Variants in AIFM2 observed in about 807,000 individuals in gnomAD.
The protein encoded by AIFM2 is AIF family member 2, ferroptosis suppressor, also known as ferroptosis suppressor protein 1.
Under a neutral mutation model 35.7 loss-of-function variants are expected in AIFM2, and 38 were observed. That is an observed-to-expected ratio of 1.06 (90% CI 0.82 to 1.39). The LOEUF (loss-of-function observed/expected upper bound fraction) is 1.39, where lower values mean the gene tolerates loss of function less well. AIFM2 is among the 40% of genes most tolerant of loss of function. AIFM2 has a pLI of 0.00. For missense variants in AIFM2, 476 were observed against 491.2 expected, an observed-to-expected ratio of 0.97 and a Z score of 0.29; for synonymous variants, 185 against 203.5, an observed-to-expected ratio of 0.91 and a Z score of 0.77.
intron 1 of AIFM2, among the ~76,000 whole-genome samples, chr10:70,130,207 A>G (rs569937780): frequency 3.3e-4 from 50 of 152,136 alleles, no homozygotes; most frequent in Non-Finnish European, 6.2e-4. Context: ...TTTAATTTAA[A>G]TTTCAAAAAA....
chr10:70,123,738 G>A (rs1365484949), intron 2 of AIFM2, among the ~76,000 whole-genome samples, 169 bp downstream of exon 2: 1 of 152,150 alleles, frequency 6.6e-6, no homozygotes, highest in Non-Finnish European at 1.5e-5. Flanking sequence ...GGGTCTCATT[G>A]TGGTGGCTAC....
At chr10:70,121,324 C>T in intron 3 of AIFM2, 113 bp from the exon 4 acceptor site, 1 of 1,401,868 alleles carries the variant, frequency 7.1e-7, no homozygotes, top group African/African-American at 1.5e-5. Context: ...CCGGGACAAA[C>T]CAGGCAAAGA....
intron 3 of AIFM2, among the ~76,000 whole-genome samples, chr10:70,121,699 T>C (rs958660701): frequency 7.0e-6 from 1 of 142,762 alleles, no homozygotes; most frequent in Non-Finnish European, 1.5e-5. Flanking sequence ...CAAGACCCCA[T>C]ATTAATTTAA....
At position 70,114,000 on chromosome 10, in the gene AIFM2, G is replaced by C; in HGVS notation, c.*178C>G. 1 of 794,736 alleles carries C rather than the reference G, an allele frequency of 1.3e-6. No individual in the cohort carries two copies. The highest frequency in any genetic ancestry group is 1.9e-6 in the Non-Finnish European group (1 of 523,500). The allele number at this position is 794,736 out of a possible 1,614,324, so 49.2% of individuals were successfully genotyped here. A position where few individuals can be genotyped will look rare whatever the true frequency, so the allele number is the denominator to read the frequency against. On this transcript the variant is annotated 3_prime_UTR_variant, in exon 9 of 9. Transcript: ENST00000307864. ...AAAGTATCCTCTAAGGGGGGTATTT[G>C]TTTAATACCTCTCTCTCTCCCATTT...
chr10:70,125,132 C>G (rs1338964034), intron 1 of AIFM2, among the ~76,000 whole-genome samples: 1 of 152,146 alleles, frequency 6.6e-6, no homozygotes, highest in East Asian at 1.9e-4. Context: ...TTCCCAGCCT[C>G]CAGAACCATG....
At chr10:70,122,737 T>C (rs759843646) in intron 3 of AIFM2, among the ~76,000 whole-genome samples, 1 of 152,232 alleles carries the variant, frequency 6.6e-6, no homozygotes, top group Admixed American at 6.5e-5. Flanking sequence ...TAAAATTGCA[T>C]GGGTTCAAAT....
intron 1 of AIFM2, among the ~76,000 whole-genome samples, chr10:70,128,614 C>T (rs1023856976): frequency 1.3e-5 from 2 of 152,202 alleles, no homozygotes; most frequent in East Asian, 1.9e-4. Context: ...CGGCCTGCCT[C>T]GACCTCCCAA....
rs746615170 is a variant in AIFM2, at chr10:70,123,907, C to G, written c.178G>C (p.Gly60Arg). 1.9e-6 allele frequency: 3 copies of G among 1,574,084 alleles called. No homozygotes were observed. The highest frequency in any genetic ancestry group is 2.6e-6 in the Non-Finnish European group (3 of 1,154,908). Reference sequence around the variant, plus strand: ...ACAGCCCCAGACGGGAGCACATTACCTGTCTCCACGGAGGCTCGGAGAGCA... The same window carrying G: ...ACAGCCCCAGACGGGAGCACATTACGTGTCTCCACGGAGGCTCGGAGAGCA... ...VAALRASVET[G>R]FAKKTFISYS... Residue 60 changes from glycine (G) to arginine (R), a missense_variant and splice_region_variant, in exon 2 of 9, where the codon GGG (glycine) becomes CGG (arginine). By Grantham distance (125) the Gly-to-Arg change is moderately radical. Transcript: ENST00000307864.
chr10:70,116,187 A>G (rs1160151798), intron 7 of AIFM2, among the ~76,000 whole-genome samples: 3 of 152,208 alleles, frequency 2.0e-5, no homozygotes, highest in African/African-American at 7.2e-5. Flanking sequence ...TTAAGAAACG[A>G]GGCCATGTTA....
In AIFM2 at chr10:70,115,096, GC is replaced by G; in HGVS notation, c.793del (p.Ala265LeufsTer2). ...AFESRLASSG[A>X]LRVNEHLQVE... ...CTGGAGGTGCTCGTTCACTCTCAGA[GC>G]ACCACTGCTGGCTAGTCTGCTCTCT... is the stretch of plus-strand genomic sequence containing the variant. On this transcript the variant is annotated frameshift_variant, in exon 8 of 9. Coordinates refer to ENST00000307864, the MANE Select transcript of AIFM2 (RefSeq NM_032797.6). LOFTEE classifies it high-confidence loss of function. 1 of 1,613,914 alleles carries G rather than the reference GC, an allele frequency of 6.2e-7. No homozygotes were observed. Among genetic ancestry groups the G allele is most frequent in the Non-Finnish European group, 8.5e-7 (1 of 1,179,902 alleles).
At position 70,114,138 on chromosome 10, in the gene AIFM2, C is replaced by G. The variant is rs770290763; in HGVS notation, c.*40G>C. 9.4e-6 allele frequency: 15 copies of G among 1,591,262 alleles called. No homozygotes were observed. In the East Asian group the frequency reaches 2.7e-4, roughly 29 times the overall value. ...GGTGCCATGCGCCAAGCAGTCCGTA[C>G]GCCCACCTGCTGCGGTAGTTCTCCC... is the stretch of plus-strand genomic sequence containing the variant. On this transcript the variant is annotated 3_prime_UTR_variant, in exon 9 of 9. Coordinates refer to ENST00000307864, the MANE Select transcript of AIFM2 (RefSeq NM_032797.6).
In AIFM2 at chr10:70,116,655, T is replaced by C; in HGVS notation, c.736A>G (p.Lys246Glu). 2.5e-6 allele frequency: 4 copies of C among 1,614,146 alleles called. No individual in the cohort carries two copies. Among genetic ancestry groups the C allele is most frequent in the Non-Finnish European group, 3.4e-6 (4 of 1,180,030 alleles). Residue 246 changes from lysine to glutamate, a missense_variant, in exon 7 of 9, where the codon AAG (lysine) becomes GAG (glutamate). Lys to Glu is a moderately conservative substitution (Grantham distance 56). Coordinates refer to ENST00000307864, the MANE Select transcript of AIFM2 (RefSeq NM_032797.6). Reference protein sequence around the residue: ...TNLVILCTGIKINSSAYRKAF... With the variant: ...TNLVILCTGIEINSSAYRKAF... ...TTGCGGTAGGCGGAGCTGTTGATCT[T>C]GATGCCGGTGCAGAGAATCACCAGG... is the stretch of plus-strand genomic sequence containing the variant.
chr10:70,114,061 C>T lies in AIFM2; in HGVS notation c.*117G>A. On this transcript the variant is annotated 3_prime_UTR_variant, in exon 9 of 9. Transcript: ENST00000307864. Reference sequence around the variant, plus strand: ...CAAGTTGCATTTCTAGCCACCACATCATTGGCATCTTATTCCAGAAGAATA... The same window carrying T: ...CAAGTTGCATTTCTAGCCACCACATTATTGGCATCTTATTCCAGAAGAATA... 1 of 1,332,212 alleles carries T rather than the reference C, an allele frequency of 7.5e-7. No individual in the cohort carries two copies. Among genetic ancestry groups the T allele is most frequent in the Non-Finnish European group, 1.0e-6 (1 of 992,914 alleles). 82.5% of individuals were successfully genotyped at this position (1,332,212 alleles called of 1,614,324 possible).
At chr10:70,116,421 T>C (rs1393744105) in intron 7 of AIFM2, among the ~76,000 whole-genome samples, 1 of 152,214 alleles carries the variant, frequency 6.6e-6, no homozygotes, top group African/African-American at 2.4e-5. Flanking sequence ...CTGGTCACCT[T>C]GGCCACCTGG....
rs1193457759 is a variant in AIFM2, at chr10:70,131,958, C to G, written c.-14+776G>C. On this transcript the variant is annotated intron_variant, in intron 1 of 8. Coordinates refer to ENST00000307864, the MANE Select transcript of AIFM2 (RefSeq NM_032797.6). This position sits in a 1 kb window ranked among gnomAD's most constrained non-coding sequence, Gnocchi z 4.1. ...GTCCCATCCCAAACTATATCTGACT[C>G]TCTGCCCTATGCCTGTCCTCCTACA... Among the ~76,000 whole-genome samples, 1 of 152,198 alleles carries G rather than the reference C, an allele frequency of 6.6e-6. No individual in the cohort carries two copies. The highest frequency in any genetic ancestry group is 1.5e-5 in the Non-Finnish European group (1 of 68,032).
chr10:70,123,628 A>G (rs1317066611), intron 2 of AIFM2, 108 bp from the exon 3 acceptor site: 7 of 1,046,534 alleles, frequency 6.7e-6, no homozygotes, highest in Admixed American at 6.1e-5. Flanking sequence ...GGTGCCCTTG[A>G]CCAAAGCGTC....
chr10:70,118,003 C>G, intron 5 of AIFM2, 83 bp from the exon 6 acceptor site: 1 of 949,646 alleles, frequency 1.1e-6, no homozygotes, highest in Non-Finnish European at 1.7e-6. Flanking sequence ...CACCTCCACT[C>G]ATACCTCCAG....
At chr10:70,123,569 C>T (rs763295108) in intron 2 of AIFM2, 49 bp from the exon 3 acceptor site, 7 of 1,524,726 alleles carry the variant, frequency 4.6e-6, no homozygotes, top group Non-Finnish European at 6.4e-6. Flanking sequence ...AGGCTGCCCA[C>T]GGGAAGCCAG....
rs973518401 is a variant in AIFM2 at position 70,121,624 on chromosome 10, A to C, written c.295-413T>G. On this transcript the variant is annotated intron_variant, in intron 3 of 8. Transcript: ENST00000307864. ...CTCCGCCAGGAAGAAAAGAAAGGGAAAGAAAGAAAGACTGATCAGTAGTGG... is the reference window on the plus strand; with the variant it reads ...CTCCGCCAGGAAGAAAAGAAAGGGACAGAAAGAAAGACTGATCAGTAGTGG... Among the ~76,000 whole-genome samples, 8 of 151,768 alleles carry C rather than the reference A, an allele frequency of 5.3e-5. No individual in the cohort carries two copies. In the South Asian group the frequency reaches 6.2e-4, roughly 12 times the overall value.
Sources: gnomAD v4.1 joint callset for allele counts (sites outside exome capture counted in the v4.1 genomes callset) on GRCh38, gnomAD v4.1.1 for gene constraint, Gnocchi (gnomAD v3.1) non-coding constraint, MANE v1.5 for transcripts, NCBI Gene and HGNC (gene_info 2026-07-23, HGNC 2026-07-21) for gene names.